Variants in SPCS3 observed in about 807,000 individuals in gnomAD.
SPCS3 encodes signal peptidase complex subunit 3, also known as SPase 22 kDa subunit.
SPCS3 carries 9 observed loss-of-function variants against 17.2 expected under a neutral mutation model. The observed-to-expected ratio is 0.52, with a 90% CI of 0.31 to 0.91. The LOEUF (loss-of-function observed/expected upper bound fraction) is 0.91, where lower values mean the gene tolerates loss of function less well. Among genes scored for constraint, SPCS3 ranks in the 40% least tolerant of loss-of-function variants. SPCS3 has a pLI of 0.04. For synonymous variants in SPCS3, 87 were observed against 89.6 expected, an observed-to-expected ratio of 0.97 and a Z score of 0.16; for missense variants, 139 against 217.5, an observed-to-expected ratio of 0.64 and a Z score of 2.27.
Position 176,328,390 on chromosome 4 carries a change from C to T in SPCS3, c.*60C>T, listed in dbSNP as rs1262335244. The T allele has an allele frequency of 6.0e-5, 76 of 1,271,200 alleles. No individual in the cohort carries two copies. Among genetic ancestry groups the T allele is most frequent in the Non-Finnish European group, 7.4e-5 (72 of 968,094 alleles). 78.7% of individuals were successfully genotyped at this position (1,271,200 alleles called of 1,614,324 possible). A position where few individuals can be genotyped will look rare whatever the true frequency, so the allele number is the denominator to read the frequency against. ...TTAATGAATTGTATCTCATTAATCT[C>T]TTCCCTTACATCTTCATGTATTGTT... is the stretch of plus-strand genomic sequence containing the variant. On this transcript the variant is annotated 3_prime_UTR_variant, in exon 5 of 5. Coordinates refer to ENST00000503362, the MANE Select transcript of SPCS3 (RefSeq NM_021928.4).
intron 3 of SPCS3, 27 bp from the exon 4 acceptor site, chr4:176,327,135 A>G (rs1731617859): frequency 7.6e-7 from 1 of 1,310,214 alleles, no homozygotes; most frequent in Non-Finnish European, 1.1e-6. Flanking sequence ...CTGATGAGTT[A>G]TCTAATTAAT....
chr4:176,322,270 C>A (rs1363349868), intron 2 of SPCS3, 27 bp downstream of exon 2: 1 of 1,462,342 alleles, frequency 6.8e-7, no homozygotes, highest in Non-Finnish European at 9.6e-7. Context: ...TATTTCGTTG[C>A]GTTTTCTGTA....
At position 176,320,233 on chromosome 4, in the gene SPCS3, G is replaced by T. The variant is rs753507104; in HGVS notation, c.143+14G>T. ...GCGGATCATGCTGTGAGTGAGGCCGGGCCGGCGGTGCAGGACGCCGGGACC... is the reference window on the plus strand; with the variant it reads ...GCGGATCATGCTGTGAGTGAGGCCGTGCCGGCGGTGCAGGACGCCGGGACC... On this transcript the variant is annotated intron_variant, in intron 1 of 4. Transcript: ENST00000503362. 14 of 1,545,050 alleles carry T rather than the reference G, an allele frequency of 9.1e-6. No homozygotes were observed. The African/African-American group carries it at 2.0e-4, about 22-fold the overall frequency.
chr4:176,327,504 A>G, intron 4 of SPCS3: 2 of 307,868 alleles, frequency 6.5e-6, no homozygotes, highest in Admixed American at 4.9e-5. Flanking sequence ...TAAAGCTTCT[A>G]TCCTAAGCGT....
chr4:176,323,598 T>A (rs567627688), intron 2 of SPCS3, among the ~76,000 whole-genome samples: 17 of 152,270 alleles, frequency 1.1e-4, no homozygotes, highest in Admixed American at 2.6e-4. Context: ...TTGGCACCAG[T>A]CTTGTTAATT....
chr4:176,330,335 A>C lies in SPCS3; in HGVS notation c.*2005A>C, dbSNP rs1178365114. ...TAAAAATCAGGTGTGTCCTCTTTAA[A>C]GGCATGTGCGATAAGCCTGCAGTCT... On this transcript the variant is annotated 3_prime_UTR_variant, in exon 5 of 5. Transcript: ENST00000503362. The C allele has an allele frequency of 6.6e-6, 1 of 152,238 alleles. No homozygotes were observed. The highest frequency in any genetic ancestry group is 1.5e-5 in the Non-Finnish European group (1 of 68,026). 9.4% of individuals were successfully genotyped at this position (152,238 alleles called of 1,614,324 possible). A position where few individuals can be genotyped will look rare whatever the true frequency, so the allele number is the denominator to read the frequency against.
chr4:176,320,250 G>T, intron 1 of SPCS3, 31 bp downstream of exon 1: 1 of 1,498,114 alleles, frequency 6.7e-7, no homozygotes. Flanking sequence ...GGTGCAGGAC[G>T]CCGGGACCGG....
chr4:176,323,375 C>T (rs532255924), intron 2 of SPCS3, among the ~76,000 whole-genome samples: 1 of 152,170 alleles, frequency 6.6e-6, no homozygotes, highest in Admixed American at 6.5e-5. Context: ...CTTAATGCTG[C>T]TGCTACTACT....
chr4:176,320,071 AT>A lies in SPCS3; in HGVS notation c.-5del. The A allele has an allele frequency of 6.5e-7, 1 of 1,547,664 alleles. No individual in the cohort carries two copies. The highest frequency in any genetic ancestry group is 8.7e-7 in the Non-Finnish European group (1 of 1,145,790). ...GTGGAGTCCGGACTCGTGGGAGACG[AT>A]CGCGATGAACACGGTGCTGTCGCGG... On this transcript the variant is annotated 5_prime_UTR_variant, in exon 1 of 5. Coordinates refer to ENST00000503362, the MANE Select transcript of SPCS3 (RefSeq NM_021928.4).
rs766436620 is a variant in SPCS3, at chr4:176,328,285, A to G, written c.498A>G (p.Val166=). The stretch of plus-strand genomic sequence containing the variant: ...CTCTTGTGACAGGATCAGGACACGT[A>G]TCTGTCCCATTTCCAGATACATATG... ...ILPLVTGSGH[V]SVPFPDTYEI... Residue 166 remains valine (V), a synonymous_variant, in exon 5 of 5, where the codon GTA becomes GTG. Transcript: ENST00000503362. The G allele has an allele frequency of 6.2e-7, 1 of 1,610,988 alleles. No homozygotes were observed. The highest frequency in any genetic ancestry group is 8.5e-7 in the Non-Finnish European group (1 of 1,178,710).
At chr4:176,328,104 T>C in intron 4 of SPCS3, 94 bp from the exon 5 acceptor site, 2 of 1,149,684 alleles carry the variant, frequency 1.7e-6, no homozygotes, top group East Asian at 2.4e-5. Flanking sequence ...TAGATGGTTA[T>C]AAATAAAGTA....
intron 1 of SPCS3, chr4:176,321,224 G>A (rs555702618): frequency 6.6e-6 from 1 of 151,456 alleles, no homozygotes; most frequent in South Asian, 2.1e-4. Flanking sequence ...GAATAGACCT[G>A]GGGTGGACAT....
intron 2 of SPCS3, among the ~76,000 whole-genome samples, chr4:176,323,765 A>G (rs1022887464): frequency 6.6e-6 from 1 of 151,964 alleles, no homozygotes; most frequent in Admixed American, 6.6e-5. Context: ...TTATGTTTGC[A>G]TATTGTTAAA....
intron 4 of SPCS3, among the ~76,000 whole-genome samples, chr4:176,327,569 A>G (rs527504468): frequency 2.0e-5 from 3 of 152,330 alleles, no homozygotes; most frequent in African/African-American, 4.8e-5. Context: ...GTCAAATCAA[A>G]GGGCTCCTTT....
chr4:176,319,972 G>A lies in SPCS3; in HGVS notation c.-105G>A. 1 of 1,294,802 alleles carries A rather than the reference G, an allele frequency of 7.7e-7. No homozygotes were observed. Among genetic ancestry groups the A allele is most frequent in the East Asian group, 3.2e-5 (1 of 31,136 alleles). 80.2% of individuals were successfully genotyped at this position (1,294,802 alleles called of 1,614,324 possible). A position where few individuals can be genotyped will look rare whatever the true frequency, so the allele number is the denominator to read the frequency against. ...CGGGGCTGCGGCGGCGCGCGCTCCC[G>A]GAACGCGCGCACCGCAGACGGCGCG... On this transcript the variant is annotated 5_prime_UTR_variant, in exon 1 of 5. Coordinates refer to ENST00000503362, the MANE Select transcript of SPCS3 (RefSeq NM_021928.4).
Position 176,322,285 on chromosome 4 carries a change from TATA to T in SPCS3, c.217+45_217+47del, listed in dbSNP as rs1298366743. The T allele has an allele frequency of 3.2e-6, 4 of 1,264,082 alleles. No homozygotes were observed. In the South Asian group the frequency reaches 3.6e-5, roughly 12 times the overall value. 78.3% of individuals were successfully genotyped at this position (1,264,082 alleles called of 1,614,324 possible). A position where few individuals can be genotyped will look rare whatever the true frequency, so the allele number is the denominator to read the frequency against. On this transcript the variant is annotated intron_variant, in intron 2 of 4. Coordinates refer to ENST00000503362, the MANE Select transcript of SPCS3 (RefSeq NM_021928.4). ...TATTTCGTTGCGTTTTCTGTAGTTT[TATA>T]ATGAGATATGTGTTGTTTAATGATT...
In SPCS3 at chr4:176,319,991, C is replaced by G; in HGVS notation, c.-86C>G. 3 of 1,370,588 alleles carry G rather than the reference C, an allele frequency of 2.2e-6. No homozygotes were observed. The highest frequency in any genetic ancestry group is 2.9e-6 in the Non-Finnish European group (3 of 1,050,708). The allele number at this position is 1,370,588 out of a possible 1,614,324, so 84.9% of individuals were successfully genotyped here. A position where few individuals can be genotyped will look rare whatever the true frequency, so the allele number is the denominator to read the frequency against. On this transcript the variant is annotated 5_prime_UTR_variant, in exon 1 of 5. Coordinates refer to ENST00000503362, the MANE Select transcript of SPCS3 (RefSeq NM_021928.4). ...GCTCCCGGAACGCGCGCACCGCAGACGGCGCGGATCGCAGGGAGCCGGTCC... is the reference window on the plus strand; with the variant it reads ...GCTCCCGGAACGCGCGCACCGCAGAGGGCGCGGATCGCAGGGAGCCGGTCC...
chr4:176,323,454 G>T lies in SPCS3; in HGVS notation c.218-727G>T, dbSNP rs546855734. On this transcript the variant is annotated intron_variant, in intron 2 of 4. Coordinates refer to ENST00000503362, the MANE Select transcript of SPCS3 (RefSeq NM_021928.4). ...AGTTCTAAAGGAGTGATTCTTAGTG[G>T]TTACACATAATTAATAATGGAATGT... Among the ~76,000 whole-genome samples, 296 of 152,200 alleles carry T rather than the reference G, an allele frequency of 1.9e-3. 1 individual carries two copies. The highest frequency in any genetic ancestry group is 3.3e-3 in the Non-Finnish European group (222 of 67,958).
At chr4:176,325,100 G>A (rs1331044343) in intron 3 of SPCS3, among the ~76,000 whole-genome samples, 2 of 147,700 alleles carry the variant, frequency 1.4e-5, no homozygotes, top group African/African-American at 5.0e-5. Context: ...AGCCCGGGCT[G>A]GAGTACAGTA....
Sources: gnomAD v4.1 joint callset for allele counts (sites outside exome capture counted in the v4.1 genomes callset) on GRCh38, gnomAD v4.1.1 for gene constraint, MANE v1.5 for transcripts, NCBI Gene and HGNC (gene_info 2026-07-23, HGNC 2026-07-21) for gene names.